Variants in GPATCH1 observed in about 807,000 individuals in gnomAD.
The protein encoded by GPATCH1 is G patch domain-containing protein 1.
In GPATCH1, 73 loss-of-function variants were observed where a neutral mutation model predicts 114.9. That is an observed-to-expected ratio of 0.64 (90% CI 0.53 to 0.77). The LOEUF (loss-of-function observed/expected upper bound fraction) is 0.77, where lower values mean the gene tolerates loss of function less well. Among genes scored for constraint, GPATCH1 ranks in the 30% least tolerant of loss-of-function variants. GPATCH1 has a pLI of 0.00. For synonymous variants in GPATCH1, 391 were observed against 428.4 expected (o/e 0.91, Z 1.08); for missense variants, 1,058 against 1,144.3 (o/e 0.92, Z 1.09).
At chr19:33,097,063 A>G (rs939896419) in intron 7 of GPATCH1, among the ~76,000 whole-genome samples, 1 of 151,392 alleles carries the variant, frequency 6.6e-6, no homozygotes, top group Non-Finnish European at 1.5e-5. Flanking sequence ...CTCCTGCCTC[A>G]GCCACCTGAC....
At chr19:33,115,225 A>ATTTT (rs71176196) in intron 15 of GPATCH1, among the ~76,000 whole-genome samples, 4 of 56,864 alleles carry the variant, frequency 7.0e-5, no homozygotes, top group Non-Finnish European at 1.2e-4. Flanking sequence ...TGCCTGGCTA[A>ATTTT]TTTTTTTTTT....
intron 1 of GPATCH1, among the ~76,000 whole-genome samples, chr19:33,082,326 C>T (rs1214296465): frequency 9.2e-5 from 14 of 152,060 alleles, no homozygotes; most frequent in Admixed American, 9.2e-4. Context: ...CTGTGCTAGC[C>T]CTGTAGGGAA....
rs773944889 is a variant in GPATCH1, at chr19:33,109,880, G to T, written c.1449G>T (p.Gly483=). Residue 483 remains glycine (G), a synonymous_variant, in exon 11 of 20, where the codon GGG becomes GGT. Coordinates refer to ENST00000170564, the MANE Select transcript of GPATCH1 (RefSeq NM_018025.3). The part of the protein sequence containing the change: ...RAQLSPAAAA[G]HCSWNMALGG... ...AGCTCTCCCCTGCAGCGGCTGCTGG[G>T]CACTGCTCTTGGAACATGGCATTAG... 7.4e-6 allele frequency: 12 copies of T among 1,614,050 alleles called. No homozygotes were observed. The highest frequency in any genetic ancestry group is 1.0e-5 in the Non-Finnish European group (12 of 1,180,044).
At position 33,126,582 on chromosome 19, in the gene GPATCH1, T is replaced by C. The variant is rs1453625646; in HGVS notation, c.2620-6T>C. ...GTTTTCCCCCACCACTATTTGTTTT[T>C]TACAGAAAAAGAAACACAGGAAGCA... is the stretch of plus-strand genomic sequence containing the variant. On this transcript the variant is annotated splice_region_variant and splice_polypyrimidine_tract_variant and intron_variant, in intron 18 of 19. Transcript: ENST00000170564. The C allele has an allele frequency of 6.2e-7, 1 of 1,611,412 alleles. No homozygotes were observed. The highest frequency in any genetic ancestry group is 1.3e-5 in the African/African-American group (1 of 74,482).
chr19:33,111,707 G>A lies in GPATCH1; in HGVS notation c.1586-17G>A, dbSNP rs575531616. ...TTCCTGAAAAGTGAAGCTGCTTCTT[G>A]TTCTCTGCCCCCGCAGATGCTCTGG... On this transcript the variant is annotated splice_polypyrimidine_tract_variant and intron_variant, in intron 11 of 19. Coordinates refer to ENST00000170564, the MANE Select transcript of GPATCH1 (RefSeq NM_018025.3). 2.2e-5 allele frequency: 35 copies of A among 1,611,898 alleles called. No individual in the cohort carries two copies. The African/African-American group carries it at 3.7e-4, about 17-fold the overall frequency.
intron 15 of GPATCH1, 117 bp downstream of exon 15, chr19:33,114,536 C>A: frequency 1.3e-6 from 1 of 762,658 alleles, no homozygotes; most frequent in Non-Finnish European, 2.1e-6. Flanking sequence ...GATCCATTTC[C>A]CCTTAAAGGC....
chr19:33,123,308 G>C (rs913729394), intron 17 of GPATCH1, among the ~76,000 whole-genome samples: 1 of 151,596 alleles, frequency 6.6e-6, no homozygotes, highest in African/African-American at 2.4e-5. Flanking sequence ...GCTGAGGCAG[G>C]AGAATCGCTT....
chr19:33,126,396 G>A (rs1158317048), intron 18 of GPATCH1, among the ~76,000 whole-genome samples, 192 bp from the exon 19 acceptor site: 2 of 152,184 alleles, frequency 1.3e-5, no homozygotes, highest in East Asian at 1.9e-4. Flanking sequence ...CTGGGTCAGG[G>A]TGCGCAGTTG....
chr19:33,129,957 A>C (rs556100340), intron 19 of GPATCH1, among the ~76,000 whole-genome samples, 173 bp from the exon 20 acceptor site: 29 of 151,226 alleles, frequency 1.9e-4, no homozygotes, highest in Non-Finnish European at 4.3e-4. Context: ...GGGAAAAAAA[A>C]AAAAAAGCAC....
chr19:33,096,952 C>T (rs75442060), intron 7 of GPATCH1, among the ~76,000 whole-genome samples: 54,250 of 131,054 alleles, frequency 0.41, 13,607 homozygotes, highest in African/African-American at 0.72. Flanking sequence ...TTCTTTCTTT[C>T]TTTTTTTTTT....
At chr19:33,111,692 G>A in intron 11 of GPATCH1, 32 bp from the exon 12 acceptor site, 3 of 1,607,362 alleles carry the variant, frequency 1.9e-6, no homozygotes, top group Non-Finnish European at 2.6e-6. Flanking sequence ...TTCCTGAAAA[G>A]TGAAGCTGCT....
intron 9 of GPATCH1, among the ~76,000 whole-genome samples, chr19:33,105,415 A>G (rs1972772606): frequency 6.6e-6 from 1 of 150,700 alleles, no homozygotes; most frequent in African/African-American, 2.4e-5. Flanking sequence ...CTGTCTCAAA[A>G]AAAAAAAAAA....
In GPATCH1 at chr19:33,093,462, CT is replaced by C; in HGVS notation, c.399del (p.Ala134LeufsTer15). The C allele has an allele frequency of 6.2e-7, 1 of 1,613,820 alleles. No individual in the cohort carries two copies. The highest frequency in any genetic ancestry group is 2.2e-5 in the East Asian group (1 of 44,876). On this transcript the variant is annotated frameshift_variant, in exon 4 of 20. Transcript: ENST00000170564. LOFTEE classifies it high-confidence loss of function. ...CGAGAAAAGGCTAGGCAGTTGGCCG[CT>C]GCTACTGCCCCTATTCCTGGAGCCA... ...RIREKARQLA[A>X]ATAPIPGATL...
rs1432659141 is a variant in GPATCH1, at chr19:33,088,720, G to A, written c.208+452G>A. 5.5e-5 allele frequency among the ~76,000 whole-genome samples: 8 copies of A among 144,432 alleles called. No individual in the cohort carries two copies. The East Asian group carries it at 1.7e-3, about 30-fold the overall frequency. The allele number at this position is 144,432 out of a possible 152,430, so 94.8% of individuals were successfully genotyped here. The stretch of plus-strand genomic sequence containing the variant: ...TGCCCAGGCTGGAGGGCAGTGGTGT[G>A]ATCTTGGCTCACTGCAACCTCCGCC... On this transcript the variant is annotated intron_variant, in intron 2 of 19. Transcript: ENST00000170564.
intron 19 of GPATCH1, 113 bp from the exon 20 acceptor site, chr19:33,130,017 G>A (rs373343298): frequency 1.9e-5 from 14 of 748,656 alleles, no homozygotes; most frequent in African/African-American, 6.9e-5. Context: ...TTTTGTAGGT[G>A]CAGACATGCT....
At chr19:33,121,816 C>T (rs1342856338) in intron 17 of GPATCH1, among the ~76,000 whole-genome samples, 2 of 152,118 alleles carry the variant, frequency 1.3e-5, no homozygotes, top group African/African-American at 4.8e-5. Flanking sequence ...TTACAAACAT[C>T]TATAACATGG....
chr19:33,109,020 A>T (rs1192649286), intron 10 of GPATCH1, among the ~76,000 whole-genome samples: 2 of 151,198 alleles, frequency 1.3e-5, no homozygotes, highest in Non-Finnish European at 2.9e-5. Flanking sequence ...AGGAGTTGAG[A>T]CCAGCTTGGG....
intron 5 of GPATCH1, among the ~76,000 whole-genome samples, 159 bp from the exon 6 acceptor site, chr19:33,095,603 T>C: frequency 6.6e-6 from 1 of 151,954 alleles, no homozygotes; most frequent in African/African-American, 2.4e-5. Flanking sequence ...AATCTCACTA[T>C]GTTACCCAGG....
intron 3 of GPATCH1, among the ~76,000 whole-genome samples, chr19:33,093,022 A>G (rs985844396): frequency 6.6e-6 from 1 of 151,374 alleles, no homozygotes; most frequent in Non-Finnish European, 1.5e-5. Flanking sequence ...AACCCCATCT[A>G]TACTAAAAAC....
Sources: gnomAD v4.1 joint callset for allele counts (sites outside exome capture counted in the v4.1 genomes callset) on GRCh38, gnomAD v4.1.1 for gene constraint, MANE v1.5 for transcripts, NCBI Gene and HGNC (gene_info 2026-07-23, HGNC 2026-07-21) for gene names.